The following CDH13 variants were observed in gnomAD, a reference collection of about 807,000 sequenced individuals.
CDH13 encodes cadherin 13, also known as cadherin-13.
In CDH13, 24 loss-of-function variants were observed where a neutral mutation model predicts 63.8. The ratio of observed to expected loss-of-function variants is 0.38; its 90% CI spans 0.27 to 0.53. The LOEUF (loss-of-function observed/expected upper bound fraction) is 0.53. CDH13 is among the 20% of genes least tolerant of loss of function. The pLI is 0.85. For synonymous variants in CDH13, 503 were observed against 355.3 expected (o/e 1.42, Z -4.67); for missense variants, 1,049 against 903.1 (o/e 1.16, Z -2.07).
chr16:82,880,079 T>C (rs1056452654), intron 2 of CDH13, among the ~76,000 whole-genome samples: 4 of 150,820 alleles, frequency 2.7e-5, no homozygotes, highest in African/African-American at 9.7e-5. Context: ...AATCAGTATG[T>C]ATATATATTA....
At chr16:83,318,357 G>T (rs1018731791) in intron 5 of CDH13, among the ~76,000 whole-genome samples, 7 of 152,072 alleles carry the variant, frequency 4.6e-5, no homozygotes, top group African/African-American at 1.7e-4. Context: ...GTATTTGGAG[G>T]CTTTCTGGCC....
chr16:82,797,232 G>A (rs1174113182), intron 1 of CDH13, among the ~76,000 whole-genome samples: 1 of 152,162 alleles, frequency 6.6e-6, no homozygotes, highest in Non-Finnish European at 1.5e-5. Flanking sequence ...GCTGTACACT[G>A]TGTGTTACCA....
chr16:83,252,515 C>T (rs571543754), intron 5 of CDH13, among the ~76,000 whole-genome samples: 9 of 152,072 alleles, frequency 5.9e-5, no homozygotes, highest in African/African-American at 1.9e-4. Context: ...AAGTGAATTC[C>T]GTTATCTTTC....
In CDH13 at chr16:83,080,707, AT is replaced by A. The variant is rs969388384; in HGVS notation, c.367-44677del. Among the ~76,000 whole-genome samples, 5 of 152,020 alleles carry A rather than the reference AT, an allele frequency of 3.3e-5. No homozygotes were observed. The South Asian group carries it at 8.3e-4, about 25-fold the overall frequency. ...TACAGTCTTGATCAGAAACAAGTAT[AT>A]CCCTCAGAACATAGAGGCGGCAATG... On this transcript the variant is annotated intron_variant, in intron 3 of 13. Coordinates refer to ENST00000567109, the MANE Select transcript of CDH13 (RefSeq NM_001257.5).
chr16:82,788,112 C>T (rs918884029), intron 1 of CDH13, among the ~76,000 whole-genome samples: 7 of 152,106 alleles, frequency 4.6e-5, no homozygotes, highest in East Asian at 1.9e-4. Context: ...GCCACATAAA[C>T]ATGAAATGTG....
intron 3 of CDH13, among the ~76,000 whole-genome samples, chr16:83,057,001 TC>T (rs1172060095): frequency 1.3e-5 from 2 of 152,174 alleles, no homozygotes; most frequent in Non-Finnish European, 2.9e-5. Flanking sequence ...GGAGTCTCAC[TC>T]TGTCGCCAGT....
chr16:83,586,588 A>T (rs1906181695), intron 7 of CDH13, among the ~76,000 whole-genome samples: 1 of 152,200 alleles, frequency 6.6e-6, no homozygotes, highest in Non-Finnish European at 1.5e-5. Context: ...CCAGGCTGTT[A>T]AGAGGCTTAG....
At chr16:83,343,982 C>A (rs2090782443) in intron 5 of CDH13, among the ~76,000 whole-genome samples, 1 of 152,304 alleles carries the variant, frequency 6.6e-6, no homozygotes, top group South Asian at 2.1e-4. Flanking sequence ...GATGAGAAAA[C>A]TGAGATCCAG....
At chr16:83,345,616 A>G (rs917623503) in intron 6 of CDH13, among the ~76,000 whole-genome samples, 5 of 152,196 alleles carry the variant, frequency 3.3e-5, no homozygotes, top group African/African-American at 4.8e-5. Flanking sequence ...TAACCTTTCT[A>G]TCAGGGACGG....
chr16:83,075,162 G>A (rs2151549961), intron 3 of CDH13, among the ~76,000 whole-genome samples: 1 of 152,290 alleles, frequency 6.6e-6, no homozygotes, highest in African/African-American at 2.4e-5. Context: ...CACAGTGGAA[G>A]TCTTTCCATG....
chr16:83,374,779 A>G (rs1263115083), intron 6 of CDH13, among the ~76,000 whole-genome samples: 2 of 152,210 alleles, frequency 1.3e-5, no homozygotes, highest in East Asian at 1.9e-4. Context: ...TTAAAGATGC[A>G]TAATATCTAG....
chr16:82,922,702 A>G (rs974206698), intron 2 of CDH13, among the ~76,000 whole-genome samples: 5 of 152,180 alleles, frequency 3.3e-5, no homozygotes, highest in South Asian at 2.1e-4. Flanking sequence ...TTATGTGCAC[A>G]TTCTGTTGAC....
intron 4 of CDH13, among the ~76,000 whole-genome samples, chr16:83,145,731 G>A (rs554511808): frequency 1.3e-5 from 2 of 152,250 alleles, no homozygotes; most frequent in East Asian, 3.9e-4. Context: ...TACTTACTGA[G>A]TACTTGTCAT....
At chr16:83,129,948 A>G (rs2035977602) in intron 4 of CDH13, among the ~76,000 whole-genome samples, 1 of 151,932 alleles carries the variant, frequency 6.6e-6, no homozygotes, top group Non-Finnish European at 1.5e-5. Flanking sequence ...GGCTTTTGAA[A>G]CCCCCTGTAC....
At chr16:83,648,982 T>C (rs1598412016) in intron 8 of CDH13, among the ~76,000 whole-genome samples, 1 of 152,312 alleles carries the variant, frequency 6.6e-6, no homozygotes, top group East Asian at 1.9e-4. Flanking sequence ...ATCTGGCAAT[T>C]CCCACTGGGG....
chr16:83,305,358 T>A (rs928639264), intron 5 of CDH13, among the ~76,000 whole-genome samples: 1 of 152,232 alleles, frequency 6.6e-6, no homozygotes, highest in South Asian at 2.1e-4. Context: ...AAGGAACTGT[T>A]GACCACAGAA....
intron 1 of CDH13, among the ~76,000 whole-genome samples, chr16:82,842,091 C>CATATATATATATATATATAT (rs1186963516): frequency 2.4e-5 from 1 of 41,676 alleles, no homozygotes; most frequent in African/African-American, 6.8e-5. Context: ...TTGCATTCTA[C>CATATATATATATATATATAT]ATATATATAT....
At chr16:82,920,426 C>T (rs1028489943) in intron 2 of CDH13, among the ~76,000 whole-genome samples, 3 of 152,208 alleles carry the variant, frequency 2.0e-5, no homozygotes, top group African/African-American at 4.8e-5. Context: ...GGGTCCTGTG[C>T]TCGTCCATGA....
At chr16:83,087,395 C>G (rs2033656254) in intron 3 of CDH13, among the ~76,000 whole-genome samples, 1 of 152,126 alleles carries the variant, frequency 6.6e-6, no homozygotes, top group Non-Finnish European at 1.5e-5. Flanking sequence ...ACCAGCTGGA[C>G]ACGGTGGCTC....
Sources: gnomAD v4.1 joint callset for allele counts (sites outside exome capture counted in the v4.1 genomes callset) on GRCh38, gnomAD v4.1.1 for gene constraint, MANE v1.5 for transcripts, NCBI Gene and HGNC (gene_info 2026-07-23, HGNC 2026-07-21) for gene names.